Variants in SYT10 observed in about 807,000 individuals in gnomAD.
SYT10 encodes synaptotagmin-10.
Under a neutral mutation model 51.1 loss-of-function variants are expected in SYT10, and 31 were observed. The observed-to-expected ratio is 0.61, with a 90% CI of 0.46 to 0.82. SYT10 has a LOEUF of 0.82. SYT10 is among the 40% of genes least tolerant of loss of function. SYT10 has a pLI of 0.00. For missense variants in SYT10, 603 were observed against 634.0 expected, an observed-to-expected ratio of 0.95 and a Z score of 0.53; for synonymous variants, 233 against 225.9, an observed-to-expected ratio of 1.03 and a Z score of -0.28.
chr12:33,407,195 T>C lies in SYT10; in HGVS notation c.671A>G (p.Asn224Ser), dbSNP rs1339493599. 1 of 1,614,224 alleles carries C rather than the reference T, an allele frequency of 6.2e-7. No individual in the cohort carries two copies. The highest frequency in any genetic ancestry group is 1.1e-5 in the South Asian group (1 of 91,076). Residue 224 changes from asparagine (N) to serine (S), a missense_variant, in exon 3 of 7, where the codon AAC (asparagine) becomes AGC (serine). Physicochemically the swap from Asn to Ser is conservative, Grantham distance 46 (BLOSUM62 1). Coordinates refer to ENST00000228567, the MANE Select transcript of SYT10 (RefSeq NM_198992.4). ...ACAGATTTTGACATCTTCGTTTTGG[T>C]TGCCCTCAGAGTCAACTGATTTCTG... ...YKQKSVDSEG[N>S]QNEDVKICGK...
chr12:33,425,733 T>C (rs1866544784), intron 2 of SYT10, among the ~76,000 whole-genome samples: 1 of 152,100 alleles, frequency 6.6e-6, no homozygotes, highest in Non-Finnish European at 1.5e-5. Context: ...CTCCACGATA[T>C]GCATTTCAAA....
At chr12:33,391,541 A>G (rs76896581) in intron 3 of SYT10, among the ~76,000 whole-genome samples, 10 of 152,284 alleles carry the variant, frequency 6.6e-5, no homozygotes, top group Non-Finnish European at 1.0e-4. Context: ...ATGGCAACAC[A>G]GTGGCCTTAT....
chr12:33,379,760 G>A, intron 6 of SYT10, 72 bp downstream of exon 6: 1 of 1,567,808 alleles, frequency 6.4e-7, no homozygotes, highest in Non-Finnish European at 8.7e-7. Context: ...ATCAGATAAA[G>A]GTTAGCAAAT....
At chr12:33,413,803 A>G (rs1866429064) in intron 2 of SYT10, among the ~76,000 whole-genome samples, 1 of 152,220 alleles carries the variant, frequency 6.6e-6, no homozygotes, top group Admixed American at 6.5e-5. Flanking sequence ...AGCTAACATC[A>G]TAATGACAGG....
chr12:33,414,064 A>C (rs1866432405), intron 2 of SYT10, among the ~76,000 whole-genome samples: 1 of 152,068 alleles, frequency 6.6e-6, no homozygotes, highest in Non-Finnish European at 1.5e-5. Context: ...CTTTAAACCA[A>C]CAAAGATCAA....
At chr12:33,424,551 G>A (rs749955279) in intron 2 of SYT10, among the ~76,000 whole-genome samples, 2 of 151,912 alleles carry the variant, frequency 1.3e-5, no homozygotes, top group Admixed American at 6.6e-5. Flanking sequence ...AAAGTTTTCC[G>A]GGATGGTAGT....
chr12:33,401,777 T>A (rs187330304), intron 3 of SYT10, among the ~76,000 whole-genome samples: 1 of 152,212 alleles, frequency 6.6e-6, no homozygotes, highest in East Asian at 1.9e-4. Flanking sequence ...TAGTGGTAGA[T>A]CTGTATTTAT....
intron 1 of SYT10, among the ~76,000 whole-genome samples, chr12:33,438,027 T>G (rs1866651943): frequency 6.6e-6 from 1 of 152,150 alleles, no homozygotes; most frequent in East Asian, 1.9e-4. Context: ...TTGGCTCACG[T>G]TGCCGTGGAT....
intron 1 of SYT10, among the ~76,000 whole-genome samples, chr12:33,437,758 T>A (rs570915788): frequency 2.0e-5 from 3 of 152,054 alleles, no homozygotes; most frequent in African/African-American, 2.4e-5. Context: ...GCTTATCTAA[T>A]ATCACCACAG....
intron 3 of SYT10, among the ~76,000 whole-genome samples, chr12:33,402,684 A>G (rs1211349231): frequency 2.0e-5 from 3 of 152,218 alleles, no homozygotes; most frequent in Non-Finnish European, 2.9e-5. Flanking sequence ...AATCAAATGC[A>G]GTAGAACAGA....
chr12:33,407,588 TTTTG>T (rs1004901573), intron 2 of SYT10, among the ~76,000 whole-genome samples: 14 of 152,246 alleles, frequency 9.2e-5, no homozygotes, highest in East Asian at 3.9e-4. Context: ...TAAATGTTCT[TTTTG>T]TTTGTTTGTT....
chr12:33,425,081 G>C (rs1866539102), intron 2 of SYT10, among the ~76,000 whole-genome samples: 1 of 151,998 alleles, frequency 6.6e-6, no homozygotes, highest in South Asian at 2.1e-4. Flanking sequence ...AATACATATT[G>C]AATAGCCTTT....
chr12:33,431,975 T>C (rs1292789400), intron 1 of SYT10, among the ~76,000 whole-genome samples: 3 of 152,134 alleles, frequency 2.0e-5, no homozygotes, highest in African/African-American at 7.2e-5. Context: ...GCATAGAATA[T>C]GATAATGTGT....
At chr12:33,432,346 C>T (rs1866604354) in intron 1 of SYT10, 1 of 151,996 alleles carries the variant, frequency 6.6e-6, no homozygotes, top group Non-Finnish European at 1.5e-5. Flanking sequence ...AAAAGCTTTA[C>T]ATATGCTCAT....
chr12:33,432,527 C>T (rs1461293667), intron 1 of SYT10: 2 of 151,984 alleles, frequency 1.3e-5, no homozygotes, highest in Non-Finnish European at 2.9e-5. Context: ...TGAATAAAAG[C>T]ATGATGTTAA....
Position 33,426,469 on chromosome 12 carries a change from C to A in SYT10, c.178G>T (p.Val60Phe), listed in dbSNP as rs771869540. The change falls in exon 2 of 7, where the codon GTT becomes TTT. Residue 60 changes from valine (V) to phenylalanine (F), a missense_variant. Val to Phe is a conservative substitution (Grantham distance 50). Transcript: ENST00000228567. The part of the protein sequence containing the change: ...TDISVSLLAV[V>F]VSFCGLALLV... The stretch of plus-strand genomic sequence containing the variant: ...AAGGCCAGTCCACAAAAGCTGACAA[C>A]GACAGCTAACAGGCTGACTGAAATA... The A allele has an allele frequency of 1.1e-5, 17 of 1,599,642 alleles. No homozygotes were observed. The highest frequency in any genetic ancestry group is 1.3e-5 in the Non-Finnish European group (15 of 1,174,842).
At chr12:33,377,935 C>A (rs1178759018) in intron 6 of SYT10, among the ~76,000 whole-genome samples, 1 of 152,032 alleles carries the variant, frequency 6.6e-6, no homozygotes. Flanking sequence ...GTTGAGGAAC[C>A]CGATTTTCTA....
intron 1 of SYT10, among the ~76,000 whole-genome samples, chr12:33,437,152 G>T (rs1349713976): frequency 2.0e-5 from 3 of 152,068 alleles, no homozygotes; most frequent in Non-Finnish European, 4.4e-5. Context: ...GCTTGGATTC[G>T]CAAATGAAAA....
intron 6 of SYT10, 96 bp from the exon 7 acceptor site, chr12:33,376,997 A>G: frequency 7.9e-7 from 1 of 1,271,394 alleles, no homozygotes; most frequent in South Asian, 1.2e-5. Flanking sequence ...TTCAACCATA[A>G]TATGCGAATC....
Sources: allele counts gnomAD v4.1 joint callset (sites outside exome capture counted in the v4.1 genomes callset), GRCh38; gene constraint gnomAD v4.1.1; transcripts MANE v1.5; gene names NCBI Gene and HGNC (gene_info 2026-07-23, HGNC 2026-07-21).